The following TAFA2 variants were observed in gnomAD, a reference collection of about 807,000 sequenced individuals.
TAFA2 encodes TAFA chemokine like family member 2.
TAFA2 carries 7 observed loss-of-function variants against 18.8 expected under a neutral mutation model. The observed-to-expected ratio is 0.37, with a 90% CI of 0.21 to 0.70. The LOEUF (loss-of-function observed/expected upper bound fraction) is 0.70, where lower values mean the gene tolerates loss of function less well. TAFA2 is among the 30% of genes least tolerant of loss of function. The probability of loss-of-function intolerance (pLI) is 0.53; values close to 1 mark genes in which losing one functional copy is unlikely to be tolerated. For synonymous variants in TAFA2, 60 were observed against 54.2 expected, an observed-to-expected ratio of 1.11 and a Z score of -0.47; for missense variants, 122 against 158.1, an observed-to-expected ratio of 0.77 and a Z score of 1.23.
At chr12:61,773,447 C>A (rs887785438) in intron 2 of TAFA2, among the ~76,000 whole-genome samples, 1 of 151,978 alleles carries the variant, frequency 6.6e-6, no homozygotes, top group African/African-American at 2.4e-5. Flanking sequence ...TATTATCCAA[C>A]TTCAAACTAT....
intron 1 of TAFA2, among the ~76,000 whole-genome samples, chr12:62,088,722 T>G (rs1592328073): frequency 9.9e-6 from 1 of 100,970 alleles, no homozygotes; most frequent in South Asian, 2.9e-4. Flanking sequence ...GGCACAGGAA[T>G]ATCTAGCATC....
chr12:62,112,636 G>C (rs1466341899), intron 1 of TAFA2, among the ~76,000 whole-genome samples: 1 of 151,874 alleles, frequency 6.6e-6, no homozygotes, highest in Non-Finnish European at 1.5e-5. Flanking sequence ...ACGTAGGTTT[G>C]GTCTTTTCAC....
chr12:61,744,089 G>A (rs1395703130), intron 4 of TAFA2, among the ~76,000 whole-genome samples: 1 of 152,068 alleles, frequency 6.6e-6, no homozygotes, highest in Non-Finnish European at 1.5e-5. Context: ...TTAAACATTA[G>A]ATATAAAGCC....
intron 2 of TAFA2, among the ~76,000 whole-genome samples, chr12:61,824,154 A>C (rs1425520170): frequency 6.6e-6 from 1 of 152,164 alleles, no homozygotes; most frequent in African/African-American, 2.4e-5. Context: ...AGCTGAGAGA[A>C]ATCTCAGTCC....
At chr12:61,966,677 G>T (rs1879079426) in intron 1 of TAFA2, among the ~76,000 whole-genome samples, 1 of 151,842 alleles carries the variant, frequency 6.6e-6, no homozygotes, top group Non-Finnish European at 1.5e-5. Context: ...AAATACTTAT[G>T]CAATTAAATT....
Position 62,157,128 on chromosome 12 carries a change from G to T in TAFA2, c.-2+34131C>A, listed in dbSNP as rs1015304156. The stretch of plus-strand genomic sequence containing the variant: ...GCACAATGCTCTTCAAAAAATGAAG[G>T]ACAATAATAAAAAATGTTAAGTACA... On this transcript the variant is annotated intron_variant, in intron 1 of 4. Transcript: ENST00000416284. 1.3e-5 allele frequency among the ~76,000 whole-genome samples: 2 copies of T among 152,074 alleles called. 1 individual carries two copies. Among genetic ancestry groups the T allele is most frequent in the South Asian group, 4.2e-4 (2 of 4,816 alleles).
rs1015128604 is a variant in TAFA2, at chr12:61,799,579, T to A, written c.107-44555A>T. Among the ~76,000 whole-genome samples, 3 of 152,100 alleles carry A rather than the reference T, an allele frequency of 2.0e-5. No individual in the cohort carries two copies. The South Asian group carries it at 6.2e-4, about 32-fold the overall frequency. ...GGCTCACGCCTGTAACCCCAGCACT[T>A]TGGGAGGCCGAGGCGGGCGGATCAC... On this transcript the variant is annotated intron_variant, in intron 2 of 4. Coordinates refer to ENST00000416284, the MANE Select transcript of TAFA2 (RefSeq NM_178539.5).
intron 1 of TAFA2, among the ~76,000 whole-genome samples, chr12:61,932,828 C>A (rs1379812158): frequency 6.6e-6 from 1 of 152,150 alleles, no homozygotes; most frequent in African/African-American, 2.4e-5. Context: ...TAACCAGCTC[C>A]CTTAACCTTT....
chr12:62,127,254 C>T (rs1014628302), intron 1 of TAFA2, among the ~76,000 whole-genome samples: 11 of 152,036 alleles, frequency 7.2e-5, no homozygotes, highest in Non-Finnish European at 1.3e-4. Flanking sequence ...GTTTAGAAAA[C>T]GGGTCAGAAG....
chr12:61,759,951 G>A (rs1285592514), intron 2 of TAFA2, among the ~76,000 whole-genome samples: 1 of 151,918 alleles, frequency 6.6e-6, no homozygotes, highest in African/African-American at 2.4e-5. Flanking sequence ...ACAATGGAGA[G>A]TAGGGAAAGA....
chr12:62,101,506 G>A (rs888060416), intron 1 of TAFA2, among the ~76,000 whole-genome samples: 4 of 152,082 alleles, frequency 2.6e-5, no homozygotes, highest in Non-Finnish European at 5.9e-5. Flanking sequence ...AAGCCCAAAC[G>A]TAACTCTTAT....
At chr12:62,231,374 A>G (rs1490033781) in intron 1 of TAFA2, among the ~76,000 whole-genome samples, 1 of 152,062 alleles carries the variant, frequency 6.6e-6, no homozygotes, top group Non-Finnish European at 1.5e-5. Context: ...CTTGAAGTTT[A>G]TTTTATCTGA....
chr12:61,922,618 C>T (rs770625576), intron 1 of TAFA2, among the ~76,000 whole-genome samples: 1 of 152,186 alleles, frequency 6.6e-6, no homozygotes, highest in Non-Finnish European at 1.5e-5. Context: ...AGGAGATTCC[C>T]TTGGGTGCCA....
intron 1 of TAFA2, among the ~76,000 whole-genome samples, chr12:61,972,926 T>C (rs1879300160): frequency 6.6e-6 from 1 of 151,626 alleles, no homozygotes; most frequent in Admixed American, 6.6e-5. Context: ...GTGATCTAAG[T>C]TGAGTAACTG....
intron 1 of TAFA2, chr12:62,242,616 G>A (rs2136990389): frequency 6.6e-6 from 1 of 152,568 alleles, no homozygotes; most frequent in Admixed American, 6.5e-5. Flanking sequence ...TGACAGAAAG[G>A]AATGACAAGA....
At chr12:62,060,485 T>C (rs1882316358) in intron 1 of TAFA2, among the ~76,000 whole-genome samples, 1 of 152,244 alleles carries the variant, frequency 6.6e-6, no homozygotes, top group African/African-American at 2.4e-5. Flanking sequence ...TACAATAATG[T>C]ACAATACATA....
At chr12:62,113,620 C>T (rs1869831962) in intron 1 of TAFA2, among the ~76,000 whole-genome samples, 1 of 152,174 alleles carries the variant, frequency 6.6e-6, no homozygotes, top group South Asian at 2.1e-4. Context: ...GTGCTCTGTC[C>T]CAGGGAGATG....
chr12:61,726,247 A>AT (rs747047702), intron 4 of TAFA2, among the ~76,000 whole-genome samples: 5 of 151,256 alleles, frequency 3.3e-5, no homozygotes, highest in East Asian at 1.9e-4. Flanking sequence ...GAATTTTAGG[A>AT]TTTTTTTCTT....
chr12:62,141,454 C>A (rs1156524951), intron 1 of TAFA2, among the ~76,000 whole-genome samples: 2 of 152,180 alleles, frequency 1.3e-5, no homozygotes, highest in Non-Finnish European at 2.9e-5. Context: ...CCTGCAGAAG[C>A]TTTACCTGCC....
Sources: allele counts gnomAD v4.1 joint callset (sites outside exome capture counted in the v4.1 genomes callset), GRCh38; gene constraint gnomAD v4.1.1; transcripts MANE v1.5; gene names NCBI Gene and HGNC (gene_info 2026-07-23, HGNC 2026-07-21).